The following DTD1 variants were observed in gnomAD, a reference collection of about 807,000 sequenced individuals.
DTD1 encodes the protein D-aminoacyl-tRNA deacylase 1, also known as D-tyrosyl-tRNA deacylase 1 homolog.
A neutral mutation model predicts 25.6 loss-of-function variants in DTD1; 13 were observed. The ratio of observed to expected loss-of-function variants is 0.51; its 90% CI spans 0.33 to 0.81. The LOEUF is 0.81. DTD1 is among the 30% of genes least tolerant of loss of function. DTD1 has a pLI of 0.02. For synonymous variants in DTD1, 110 were observed against 103.6 expected, an observed-to-expected ratio of 1.06 and a Z score of -0.37; for missense variants, 193 against 266.4, an observed-to-expected ratio of 0.72 and a Z score of 1.92.
chr20:18,610,207 T>C (rs1470685065), intron 3 of DTD1, among the ~76,000 whole-genome samples: 1 of 152,212 alleles, frequency 6.6e-6, no homozygotes, highest in Non-Finnish European at 1.5e-5. Flanking sequence ...GTCTGCGTTT[T>C]TAAAGAGGAT....
intron 1 of DTD1, among the ~76,000 whole-genome samples, chr20:18,590,139 T>C (rs945156509): frequency 6.6e-6 from 1 of 152,250 alleles, no homozygotes; most frequent in Non-Finnish European, 1.5e-5. Flanking sequence ...TATTTTAAAA[T>C]AGTTGGTTGA....
chr20:18,722,060 G>A (rs1369081371), intron 4 of DTD1, among the ~76,000 whole-genome samples: 1 of 152,242 alleles, frequency 6.6e-6, no homozygotes, highest in Non-Finnish European at 1.5e-5. Context: ...CATTCGGTCT[G>A]TGCTAGCCAC....
intron 3 of DTD1, among the ~76,000 whole-genome samples, chr20:18,606,491 C>T (rs189750178): frequency 5.4e-5 from 6 of 111,926 alleles, no homozygotes; most frequent in East Asian, 4.6e-4. Flanking sequence ...ATGTTTATTG[C>T]GGCATTATTC....
intron 4 of DTD1, among the ~76,000 whole-genome samples, chr20:18,731,331 A>AT (rs2033012779): frequency 6.6e-6 from 1 of 152,034 alleles, no homozygotes; most frequent in African/African-American, 2.4e-5. Context: ...ACATGAACTG[A>AT]TTTTTCTGAA....
intron 4 of DTD1, among the ~76,000 whole-genome samples, chr20:18,649,568 A>C (rs1370712457): frequency 6.6e-6 from 1 of 151,192 alleles, no homozygotes; most frequent in Non-Finnish European, 1.5e-5. Flanking sequence ...CAATCTCCTG[A>C]CCTCGTGATC....
At chr20:18,628,620 A>G (rs1419691408) in intron 4 of DTD1, among the ~76,000 whole-genome samples, 1 of 152,180 alleles carries the variant, frequency 6.6e-6, no homozygotes, top group Non-Finnish European at 1.5e-5. Flanking sequence ...CCAGGTGTGG[A>G]TAGATGTGCC....
At chr20:18,713,114 G>A (rs2061166361) in intron 4 of DTD1, among the ~76,000 whole-genome samples, 2 of 152,252 alleles carry the variant, frequency 1.3e-5, no homozygotes, top group African/African-American at 4.8e-5. Context: ...CCCTCCCATG[G>A]CCTCCTGCCG....
intron 5 of DTD1, among the ~76,000 whole-genome samples, chr20:18,757,665 T>G (rs1413144759): frequency 2.0e-5 from 3 of 152,200 alleles, no homozygotes; most frequent in Non-Finnish European, 4.4e-5. Context: ...CTGCTGGATT[T>G]GGTTTGCCAG....
intron 4 of DTD1, among the ~76,000 whole-genome samples, chr20:18,657,200 C>A (rs982907815): frequency 6.6e-6 from 1 of 152,114 alleles, no homozygotes; most frequent in African/African-American, 2.4e-5. Flanking sequence ...TCACGGGGAC[C>A]CCTTACTCAA....
At chr20:18,736,672 GT>G (rs1028631990) in intron 4 of DTD1, among the ~76,000 whole-genome samples, 1 of 152,098 alleles carries the variant, frequency 6.6e-6, no homozygotes, top group Non-Finnish European at 1.5e-5. Context: ...AAGAGCCTCT[GT>G]TTTTTTCTTC....
At chr20:18,639,268 A>C (rs749085478) in intron 4 of DTD1, among the ~76,000 whole-genome samples, 1 of 151,596 alleles carries the variant, frequency 6.6e-6, no homozygotes, top group Non-Finnish European at 1.5e-5. Flanking sequence ...ACTATTGCCC[A>C]GTTTTCCCCC....
At chr20:18,640,780 GT>G (rs758759954) in intron 4 of DTD1, among the ~76,000 whole-genome samples, 1 of 151,842 alleles carries the variant, frequency 6.6e-6, no homozygotes, top group Non-Finnish European at 1.5e-5. Flanking sequence ...ACAGGCATGC[GT>G]CACCGTGCCT....
At chr20:18,704,290 A>T (rs1402180177) in intron 4 of DTD1, among the ~76,000 whole-genome samples, 5 of 152,098 alleles carry the variant, frequency 3.3e-5, no homozygotes, top group Non-Finnish European at 7.4e-5. Flanking sequence ...GTGAGCCACC[A>T]CGCCCAGCCA....
At chr20:18,626,977 A>G (rs2060761748) in intron 3 of DTD1, among the ~76,000 whole-genome samples, 2 of 152,220 alleles carry the variant, frequency 1.3e-5, no homozygotes. Context: ...TTTCCTTCCC[A>G]GCTGATGTCT....
intron 4 of DTD1, among the ~76,000 whole-genome samples, chr20:18,721,593 C>CT (rs1412384538): frequency 6.6e-6 from 1 of 152,004 alleles, no homozygotes; most frequent in Non-Finnish European, 1.5e-5. Flanking sequence ...GGATCTCTTT[C>CT]TTTTTTCTGT....
At chr20:18,642,497 G>A (rs1408876576) in intron 4 of DTD1, among the ~76,000 whole-genome samples, 1 of 151,908 alleles carries the variant, frequency 6.6e-6, no homozygotes, top group African/African-American at 2.4e-5. Flanking sequence ...TCAATCTCCT[G>A]GGCTCAAGCA....
chr20:18,708,247 A>AT (rs1232447158), intron 4 of DTD1, among the ~76,000 whole-genome samples: 2 of 25,924 alleles, frequency 7.7e-5, no homozygotes, highest in Admixed American at 8.1e-4. Context: ...TATATATAAT[A>AT]TATATTATAT....
chr20:18,681,579 G>T (rs1249135092), intron 4 of DTD1, among the ~76,000 whole-genome samples: 1 of 152,140 alleles, frequency 6.6e-6, no homozygotes, highest in African/African-American at 2.4e-5. Flanking sequence ...TGGGCTTTTT[G>T]TCAGAAAGCA....
At chr20:18,588,812 C>T in intron 1 of DTD1, 1 of 985,324 alleles carries the variant, frequency 1.0e-6, no homozygotes, top group Non-Finnish European at 1.2e-6. Context: ...TCACTCAGCA[C>T]TTTCGTCTCG....
Sources: allele counts gnomAD v4.1 joint callset (sites outside exome capture counted in the v4.1 genomes callset), GRCh38; gene constraint gnomAD v4.1.1; transcripts MANE v1.5; gene names NCBI Gene and HGNC (gene_info 2026-07-23, HGNC 2026-07-21).